LINGO2: variants seen among roughly 807,000 people sequenced by gnomAD.
LINGO2 encodes the protein leucine rich repeat and Ig domain containing 2.
A neutral mutation model predicts 30.6 loss-of-function variants in LINGO2; 14 were observed. The ratio of observed to expected loss-of-function variants is 0.46; its 90% CI spans 0.30 to 0.72. LINGO2 has a LOEUF of 0.72. Ranked by LOEUF, LINGO2 falls within the 30% of genes least tolerant of loss-of-function variation. LINGO2 has a pLI of 0.07. For missense variants in LINGO2, 729 were observed against 751.7 expected (o/e 0.97, Z 0.35); for synonymous variants, 317 against 288.5 (o/e 1.10, Z -1.00).
At chr9:28,370,889 A>C (rs1399499576) in intron 3 of LINGO2, among the ~76,000 whole-genome samples, 2 of 152,202 alleles carry the variant, frequency 1.3e-5, no homozygotes, top group Non-Finnish European at 2.9e-5. Context: ...AAAATGATTA[A>C]AATGAATAAT....
the LINGO2 span, among the ~76,000 whole-genome samples, chr9:29,194,445 C>G: frequency 7.9e-5 from 12 of 152,304 alleles, no homozygotes; most frequent in South Asian, 2.1e-4. Context: ...TACACCAGAC[C>G]AGGACATCCT....
chr9:28,625,837 G>A (rs1413939309), intron 1 of LINGO2, among the ~76,000 whole-genome samples: 1 of 151,860 alleles, frequency 6.6e-6, no homozygotes, highest in African/African-American at 2.4e-5. Context: ...CTAACATTTA[G>A]CTTTTGAACT....
chr9:28,473,925 A>C (rs1048261099), intron 2 of LINGO2, among the ~76,000 whole-genome samples: 3 of 152,156 alleles, frequency 2.0e-5, no homozygotes, highest in Non-Finnish European at 2.9e-5. Context: ...CTGACATCTT[A>C]AACTATGATA....
the LINGO2 span, among the ~76,000 whole-genome samples, chr9:28,857,603 G>C: frequency 6.6e-6 from 1 of 151,934 alleles, no homozygotes; most frequent in Admixed American, 6.6e-5. Flanking sequence ...GACACATAAG[G>C]ATCTAAACTC....
At chr9:28,442,996 G>A (rs1824260317) in intron 2 of LINGO2, among the ~76,000 whole-genome samples, 1 of 152,002 alleles carries the variant, frequency 6.6e-6, no homozygotes, top group Admixed American at 6.6e-5. Context: ...ACAAACTGAG[G>A]ACTTTTAAAA....
chr9:28,221,110 T>C (rs1455044425), intron 4 of LINGO2, among the ~76,000 whole-genome samples: 1 of 151,868 alleles, frequency 6.6e-6, no homozygotes, highest in Admixed American at 6.6e-5. Context: ...CCATCCTCGC[T>C]AACACGGTGA....
chr9:28,454,040 T>G (rs2135086233), intron 2 of LINGO2, among the ~76,000 whole-genome samples: 1 of 152,134 alleles, frequency 6.6e-6, no homozygotes, highest in African/African-American at 2.4e-5. Context: ...AGTAGGCTTT[T>G]AATGAGACAC....
At chr9:28,410,153 A>C (rs767276763) in intron 2 of LINGO2, among the ~76,000 whole-genome samples, 1 of 151,030 alleles carries the variant, frequency 6.6e-6, no homozygotes, top group African/African-American at 2.4e-5. Context: ...AGAAAGGAAA[A>C]AGTAACAGAG....
At position 28,441,251 on chromosome 9, in the gene LINGO2, C is replaced by CTTTTTTTTT. The variant is rs72213590; in HGVS notation, c.-279+34680_-279+34688dup. ...TATAGCAGTATAAATTCATTGGAGG[C>CTTTTTTTTT]TTTTTTTTTTTTTTTTTTTTTTTTT... On this transcript the variant is annotated intron_variant, in intron 2 of 5. Transcript: ENST00000379992. 1.6e-3 allele frequency among the ~76,000 whole-genome samples: 57 copies of CTTTTTTTTT among 36,286 alleles called. 9 individuals carry two copies. Among genetic ancestry groups the CTTTTTTTTT allele is most frequent in the East Asian group, 2.2e-3 (3 of 1,392 alleles). 23.8% of individuals were successfully genotyped at this position (36,286 alleles called of 152,430 possible).
At chr9:28,042,342 G>C (rs1824232281) in intron 4 of LINGO2, among the ~76,000 whole-genome samples, 1 of 152,052 alleles carries the variant, frequency 6.6e-6, no homozygotes, top group Non-Finnish European at 1.5e-5. Flanking sequence ...AAATCAATCA[G>C]CTCCATATTA....
intron 2 of LINGO2, among the ~76,000 whole-genome samples, chr9:28,431,588 A>C (rs1411328888): frequency 6.6e-6 from 1 of 152,162 alleles, no homozygotes; most frequent in Admixed American, 6.5e-5. Flanking sequence ...AGAATTTGTG[A>C]TTCAATAACT....
chr9:29,071,433 C>T, the LINGO2 span, among the ~76,000 whole-genome samples: 6 of 145,202 alleles, frequency 4.1e-5, no homozygotes, highest in African/African-American at 1.5e-4. Context: ...GATTTCTATG[C>T]TTAGAGATAA....
the LINGO2 span, among the ~76,000 whole-genome samples, chr9:29,025,278 T>C: frequency 6.6e-6 from 1 of 152,132 alleles, no homozygotes; most frequent in African/African-American, 2.4e-5. Context: ...TCAGTGCATG[T>C]TATAGCTTTT....
intron 1 of LINGO2, among the ~76,000 whole-genome samples, chr9:28,506,513 T>C (rs1820143377): frequency 1.5e-5 from 2 of 131,082 alleles, no homozygotes; most frequent in African/African-American, 5.4e-5. Context: ...GACATATATA[T>C]ATATATATAA....
Position 28,305,134 on chromosome 9 carries a change from C to G in LINGO2, c.-245-9768G>C, listed in dbSNP as rs563562111. ...AACTAAAAAATAAAAACCATATGATCATCTCAATTGACATACAAAAAGCAT... is the reference window on the plus strand; with the variant it reads ...AACTAAAAAATAAAAACCATATGATGATCTCAATTGACATACAAAAAGCAT... On this transcript the variant is annotated intron_variant, in intron 3 of 5. Transcript: ENST00000379992. Among the ~76,000 whole-genome samples, 4 of 152,110 alleles carry G rather than the reference C, an allele frequency of 2.6e-5. No individual in the cohort carries two copies. The East Asian group carries it at 7.7e-4, about 29-fold the overall frequency.
chr9:28,683,941 A>G, the LINGO2 span, among the ~76,000 whole-genome samples: 4 of 151,904 alleles, frequency 2.6e-5, no homozygotes, highest in Admixed American at 6.6e-5. Context: ...GTTATTAAGT[A>G]CTCTTACTCT....
chr9:28,271,349 C>T (rs893021228), intron 4 of LINGO2, among the ~76,000 whole-genome samples: 4 of 152,066 alleles, frequency 2.6e-5, no homozygotes, highest in Admixed American at 6.6e-5. Flanking sequence ...GAAAGACTTC[C>T]ATATTTACAG....
intron 4 of LINGO2, among the ~76,000 whole-genome samples, chr9:28,066,633 T>G (rs1343017637): frequency 6.6e-6 from 1 of 152,120 alleles, no homozygotes; most frequent in East Asian, 1.9e-4. Context: ...ATGATAAGAT[T>G]TAGGGGGAGG....
chr9:28,615,964 A>G (rs1263324809), intron 1 of LINGO2, among the ~76,000 whole-genome samples: 4 of 152,188 alleles, frequency 2.6e-5, no homozygotes. Context: ...AAACTAAGCT[A>G]TTCTAAGTTG....
Sources: allele counts gnomAD v4.1 joint callset (sites outside exome capture counted in the v4.1 genomes callset), GRCh38; gene constraint gnomAD v4.1.1; transcripts MANE v1.5; gene names NCBI Gene and HGNC (gene_info 2026-07-23, HGNC 2026-07-21).